The following ZNF277 variants were observed in gnomAD, a reference collection of about 807,000 sequenced individuals.
ZNF277 encodes zinc finger protein 277, also known as nuclear receptor-interacting factor 4.
ZNF277 carries 55 observed loss-of-function variants against 60.7 expected under a neutral mutation model. The ratio of observed to expected loss-of-function variants is 0.91; its 90% CI spans 0.73 to 1.13. The LOEUF is 1.13. Ranked by LOEUF, ZNF277 falls within the 50% of genes most tolerant of loss-of-function variation. The probability of loss-of-function intolerance (pLI) is 0.00; values close to 1 mark genes in which losing one functional copy is unlikely to be tolerated. For missense variants in ZNF277, 510 were observed against 523.0 expected, an observed-to-expected ratio of 0.98 and a Z score of 0.24; for synonymous variants, 178 against 179.3, an observed-to-expected ratio of 0.99 and a Z score of 0.06.
chr7:112,302,862 C>G (rs957538597), intron 4 of ZNF277, among the ~76,000 whole-genome samples: 1 of 151,816 alleles, frequency 6.6e-6, no homozygotes, highest in South Asian at 2.1e-4. Flanking sequence ...ATTCAAACTC[C>G]TAAATTTCCA....
chr7:112,315,243 T>C (rs1462533681), intron 4 of ZNF277, among the ~76,000 whole-genome samples: 1 of 152,144 alleles, frequency 6.6e-6, no homozygotes, highest in East Asian at 1.9e-4. Context: ...TGAGTTAATT[T>C]TATTCTTAGA....
chr7:112,317,137 C>A (rs1353277685), intron 4 of ZNF277, among the ~76,000 whole-genome samples: 1 of 151,898 alleles, frequency 6.6e-6, no homozygotes, highest in African/African-American at 2.4e-5. Context: ...ACATCATACA[C>A]CAAGGCCTAT....
At chr7:112,336,224 C>A in intron 8 of ZNF277, 53 bp downstream of exon 8, 1 of 1,500,860 alleles carries the variant, frequency 6.7e-7, no homozygotes, top group Non-Finnish European at 9.1e-7. Context: ...AGTAAGAAGA[C>A]AATGCTTTAG....
intron 4 of ZNF277, among the ~76,000 whole-genome samples, chr7:112,298,977 T>C (rs1246576775): frequency 6.6e-6 from 1 of 152,142 alleles, no homozygotes; most frequent in Non-Finnish European, 1.5e-5. Context: ...TGGGTGCTCA[T>C]GGTCTGACAA....
intron 1 of ZNF277, among the ~76,000 whole-genome samples, chr7:112,264,373 A>G (rs1283441154): frequency 1.3e-5 from 2 of 152,138 alleles, no homozygotes; most frequent in East Asian, 3.9e-4. Flanking sequence ...ACTTCTAATA[A>G]TTTGTCTCAA....
intron 1 of ZNF277, among the ~76,000 whole-genome samples, chr7:112,262,677 TTGATAGTATAAAAA>T (rs1791464300): frequency 6.6e-6 from 1 of 152,128 alleles, no homozygotes. Context: ...ATATTTTGTC[TTGATAGTATAAAAA>T]TGTGCCATTT....
intron 7 of ZNF277, 51 bp from the exon 8 acceptor site, chr7:112,336,053 C>G (rs1486725349): frequency 1.4e-6 from 2 of 1,481,076 alleles, no homozygotes; most frequent in Admixed American, 3.8e-5. Flanking sequence ...TACATACTCT[C>G]TCCCTTCTCT....
At chr7:112,311,790 TCTTCATTGTGCAAGTAG>T (rs1792738802) in intron 4 of ZNF277, among the ~76,000 whole-genome samples, 1 of 152,132 alleles carries the variant, frequency 6.6e-6, no homozygotes, top group Non-Finnish European at 1.5e-5. Flanking sequence ...AAAATACTTT[TCTTCATTGTGCAAGTAG>T]CTTCTACTCA....
chr7:112,225,541 T>A (rs1822152578), intron 1 of ZNF277, among the ~76,000 whole-genome samples: 1 of 152,240 alleles, frequency 6.6e-6, no homozygotes, highest in African/African-American at 2.4e-5. Context: ...TTCTCATTTA[T>A]ATTTTTAGAT....
At chr7:112,287,953 C>T (rs951551426) in intron 2 of ZNF277, 5 of 136,184 alleles carry the variant, frequency 3.7e-5, no homozygotes, top group East Asian at 3.9e-4. Flanking sequence ...GTAGATAATA[C>T]TCACTTTGCA....
chr7:112,289,414 T>C (rs1246736381), intron 2 of ZNF277, among the ~76,000 whole-genome samples: 1 of 152,212 alleles, frequency 6.6e-6, no homozygotes, highest in Non-Finnish European at 1.5e-5. Flanking sequence ...GTCTCAGAGA[T>C]AGGAGGACAG....
Position 112,342,757 on chromosome 7 carries a change from C to A in ZNF277, c.*28C>A, listed in dbSNP as rs192816480. The A allele has an allele frequency of 2.9e-4, 420 of 1,446,758 alleles. 2 individuals carry two copies. The African/African-American group carries it at 5.7e-3, about 20-fold the overall frequency. The allele number at this position is 1,446,758 out of a possible 1,614,324, so 89.6% of individuals were successfully genotyped here. A position where few individuals can be genotyped will look rare whatever the true frequency, so the allele number is the denominator to read the frequency against. On this transcript the variant is annotated 3_prime_UTR_variant, in exon 12 of 12. Coordinates refer to ENST00000361822, the MANE Select transcript of ZNF277 (RefSeq NM_021994.3). The stretch of plus-strand genomic sequence containing the variant: ...GTACTTGAAAACCTAGAAGAAACTA[C>A]CACAGAAGCAATTTTTCATGTTTTT...
chr7:112,329,597 A>G (rs569543087), intron 6 of ZNF277, among the ~76,000 whole-genome samples: 1 of 152,310 alleles, frequency 6.6e-6, no homozygotes, highest in South Asian at 2.1e-4. Flanking sequence ...TCAGTTTAGA[A>G]ATCAGAAAAT....
At chr7:112,286,179 C>A (rs1484705469) in intron 1 of ZNF277, among the ~76,000 whole-genome samples, 1 of 152,148 alleles carries the variant, frequency 6.6e-6, no homozygotes, top group African/African-American at 2.4e-5. Context: ...ATAATATAGC[C>A]AGGAAAAATG....
intron 4 of ZNF277, among the ~76,000 whole-genome samples, chr7:112,315,197 A>G (rs904643982): frequency 1.1e-4 from 16 of 152,120 alleles, no homozygotes; most frequent in African/African-American, 3.6e-4. Context: ...TGAGGAAGAT[A>G]TTGGAAGCTA....
At chr7:112,275,289 T>G (rs2117044174) in intron 1 of ZNF277, among the ~76,000 whole-genome samples, 1 of 152,328 alleles carries the variant, frequency 6.6e-6, no homozygotes, top group Non-Finnish European at 1.5e-5. Context: ...GCATTCCTAG[T>G]CCTGGCCCTA....
At chr7:112,338,740 A>G (rs1793381637) in intron 9 of ZNF277, among the ~76,000 whole-genome samples, 1 of 152,204 alleles carries the variant, frequency 6.6e-6, no homozygotes, top group Admixed American at 6.5e-5. Context: ...CTGTGTTTAG[A>G]TTTAATTCAT....
intron 1 of ZNF277, among the ~76,000 whole-genome samples, chr7:112,207,799 CTT>C (rs1821594300): frequency 6.6e-6 from 1 of 152,172 alleles, no homozygotes; most frequent in Non-Finnish European, 1.5e-5. Flanking sequence ...TTGATATCAT[CTT>C]AAGTATTTAC....
In ZNF277 at chr7:112,232,042, CATATATATATATAT is replaced by C. The variant is rs67934905; in HGVS notation, c.91+25264_91+25277del. ...GAACTGCCCCTAAAATAAATAAATA[CATATATATATATAT>C]ATATATATATATATATATATATATA... On this transcript the variant is annotated intron_variant, in intron 1 of 11. Coordinates refer to ENST00000361822, the MANE Select transcript of ZNF277 (RefSeq NM_021994.3). Among the ~76,000 whole-genome samples, 1,072 of 133,242 alleles carry C rather than the reference CATATATATATATAT, an allele frequency of 8.0e-3. 22 individuals are homozygous for C. The highest frequency in any genetic ancestry group is 0.029 in the African/African-American group (907 of 31,406). 87.4% of individuals were successfully genotyped at this position (133,242 alleles called of 152,430 possible).
Sources: gnomAD v4.1 joint callset for allele counts (sites outside exome capture counted in the v4.1 genomes callset) on GRCh38, gnomAD v4.1.1 for gene constraint, MANE v1.5 for transcripts, NCBI Gene and HGNC (gene_info 2026-07-23, HGNC 2026-07-21) for gene names.